Variants in MDFIC observed in about 807,000 individuals in gnomAD.
MDFIC encodes the protein myoD family inhibitor domain-containing protein.
Under a neutral mutation model 23.2 loss-of-function variants are expected in MDFIC, and 17 were observed. That is an observed-to-expected ratio of 0.73 (90% CI 0.50 to 1.10). The LOEUF is 1.10. MDFIC is among the 50% of genes least tolerant of loss of function. The probability of loss-of-function intolerance (pLI) is 0.00; values close to 1 mark genes in which losing one functional copy is unlikely to be tolerated. For missense variants in MDFIC, 356 were observed against 316.6 expected, an observed-to-expected ratio of 1.12 and a Z score of -0.95; for synonymous variants, 120 against 115.2, an observed-to-expected ratio of 1.04 and a Z score of -0.27.
chr7:114,998,330 T>A (rs117878671), intron 4 of MDFIC, among the ~76,000 whole-genome samples: 107 of 152,360 alleles, frequency 7.0e-4, no homozygotes, highest in Non-Finnish European at 1.3e-3. Flanking sequence ...TTATCTCAGA[T>A]GCTCATGTTA....
At chr7:114,968,027 G>A (rs1415955471) in intron 3 of MDFIC, among the ~76,000 whole-genome samples, 1 of 151,954 alleles carries the variant, frequency 6.6e-6, no homozygotes, top group Admixed American at 6.6e-5. Flanking sequence ...ATGTTGCCCA[G>A]GCTGGTGAAA....
chr7:114,968,042 T>C (rs1243520522), intron 3 of MDFIC, among the ~76,000 whole-genome samples: 1 of 151,992 alleles, frequency 6.6e-6, no homozygotes, highest in African/African-American at 2.4e-5. Flanking sequence ...GTGAAAAACT[T>C]GTGGGCTCAA....
chr7:114,991,702 G>C (rs1344475958), intron 4 of MDFIC, among the ~76,000 whole-genome samples: 2 of 152,122 alleles, frequency 1.3e-5, no homozygotes, highest in African/African-American at 4.8e-5. Context: ...CTGTTCCATT[G>C]GTCTATATCT....
chr7:114,989,187 A>G (rs1793561793), intron 4 of MDFIC, among the ~76,000 whole-genome samples: 1 of 152,312 alleles, frequency 6.6e-6, no homozygotes, highest in Non-Finnish European at 1.5e-5. Flanking sequence ...ATCATGAGGC[A>G]GGGAAAGAAT....
chr7:115,005,392 T>C (rs1464468375), intron 4 of MDFIC, among the ~76,000 whole-genome samples: 1 of 152,202 alleles, frequency 6.6e-6, no homozygotes, highest in Non-Finnish European at 1.5e-5. Context: ...AATAGCCTTA[T>C]TTAAACCAAA....
intron 3 of MDFIC, among the ~76,000 whole-genome samples, chr7:114,964,490 C>T (rs1341819502): frequency 1.8e-5 from 2 of 113,236 alleles, no homozygotes; most frequent in African/African-American, 5.9e-5. Context: ...CCTCCCCTCC[C>T]CTCCCCTTCC....
chr7:114,997,835 A>C (rs554425766), intron 4 of MDFIC, among the ~76,000 whole-genome samples: 102 of 152,114 alleles, frequency 6.7e-4, no homozygotes, highest in African/African-American at 2.2e-3. Context: ...GAAAAGAGAA[A>C]GAGAAAAGAA....
At chr7:114,999,108 C>G (rs1407011941) in intron 4 of MDFIC, among the ~76,000 whole-genome samples, 1 of 152,004 alleles carries the variant, frequency 6.6e-6, no homozygotes, top group Non-Finnish European at 1.5e-5. Context: ...CTCTCCCTCC[C>G]CTCCCCTTAC....
chr7:114,979,828 A>G (rs1793387428), intron 4 of MDFIC, 47 bp downstream of exon 4: 1 of 1,573,372 alleles, frequency 6.4e-7, no homozygotes, highest in African/African-American at 1.4e-5. Context: ...ATGTAAAATA[A>G]TATTTCCTGG....
At chr7:114,952,514 G>C (rs1346860733) in intron 3 of MDFIC, among the ~76,000 whole-genome samples, 1 of 151,514 alleles carries the variant, frequency 6.6e-6, no homozygotes, top group African/African-American at 2.4e-5. Context: ...CCTGAGTTCT[G>C]CAGCAAGATA....
At chr7:114,979,391 A>T in intron 3 of MDFIC, 115 bp from the exon 4 acceptor site, 1 of 1,002,796 alleles carries the variant, frequency 1.0e-6, no homozygotes, top group Non-Finnish European at 1.4e-6. Flanking sequence ...TTGCCTCTTC[A>T]GTGTTAGTAT....
intron 3 of MDFIC, among the ~76,000 whole-genome samples, chr7:114,958,055 C>T (rs1792916005): frequency 6.6e-6 from 1 of 152,152 alleles, no homozygotes; most frequent in Non-Finnish European, 1.5e-5. Context: ...GAAAACTTAT[C>T]ATTGTGAAAT....
At chr7:114,981,699 G>C (rs752300301) in intron 4 of MDFIC, among the ~76,000 whole-genome samples, 3 of 152,144 alleles carry the variant, frequency 2.0e-5, no homozygotes, top group Non-Finnish European at 4.4e-5. Context: ...TATCTTCATT[G>C]TAAGACTATA....
At chr7:114,927,269 T>C (rs891747879) in intron 2 of MDFIC, among the ~76,000 whole-genome samples, 4 of 152,054 alleles carry the variant, frequency 2.6e-5, no homozygotes, top group Non-Finnish European at 5.9e-5. Context: ...ATCATTGTTT[T>C]ATGGGCTTTA....
At chr7:114,952,949 C>T (rs1792806985) in intron 3 of MDFIC, among the ~76,000 whole-genome samples, 1 of 152,284 alleles carries the variant, frequency 6.6e-6, no homozygotes, top group Non-Finnish European at 1.5e-5. Context: ...GTGGCAACAA[C>T]ACCACACCCA....
At chr7:114,976,819 C>T (rs1793325346) in intron 3 of MDFIC, among the ~76,000 whole-genome samples, 1 of 151,712 alleles carries the variant, frequency 6.6e-6, no homozygotes, top group African/African-American at 2.4e-5. Flanking sequence ...CTGAAGTAAA[C>T]AATGGCTTAC....
rs370543107 is a variant in MDFIC at position 115,018,027 on chromosome 7, A to G, written c.*2092A>G. The G allele has an allele frequency of 1.1e-4, 16 of 152,106 alleles. No homozygotes were observed. Among genetic ancestry groups the G allele is most frequent in the African/African-American group, 3.6e-4 (15 of 41,576 alleles). 9.4% of individuals were successfully genotyped at this position (152,106 alleles called of 1,614,324 possible). A position where few individuals can be genotyped will look rare whatever the true frequency, so the allele number is the denominator to read the frequency against. ...TAGCAAACTTTTGAATCTTTCTTTT[A>G]TTGCTATTTACACATACATACACAC... On this transcript the variant is annotated 3_prime_UTR_variant, in exon 5 of 5. Coordinates refer to ENST00000393486, the MANE Select transcript of MDFIC (RefSeq NM_001166345.3).
At chr7:115,015,573 T>C (rs757287020) in intron 4 of MDFIC, 115 bp from the exon 5 acceptor site, 1 of 1,368,840 alleles carries the variant, frequency 7.3e-7, no homozygotes, top group Non-Finnish European at 1.0e-6. Flanking sequence ...CAAACTTCAT[T>C]TGGGTTGTGG....
At chr7:114,966,405 C>CAA (rs61377366) in intron 3 of MDFIC, among the ~76,000 whole-genome samples, 1,458 of 121,226 alleles carry the variant, frequency 0.012, 26 homozygotes, top group African/African-American at 0.038. Flanking sequence ...GTCAGGAAAC[C>CAA]AAAAAAAAAA....
Sources: gnomAD v4.1 joint callset for allele counts (sites outside exome capture counted in the v4.1 genomes callset) on GRCh38, gnomAD v4.1.1 for gene constraint, MANE v1.5 for transcripts, NCBI Gene and HGNC (gene_info 2026-07-23, HGNC 2026-07-21) for gene names.